GRB2: variants seen among roughly 807,000 people sequenced by gnomAD.
GRB2 encodes the protein growth factor receptor-bound protein 2.
In GRB2, 2 loss-of-function variants were observed where a neutral mutation model predicts 27.4. That is an observed-to-expected ratio of 0.07 (90% CI 0.03 to 0.23). The LOEUF (loss-of-function observed/expected upper bound fraction) is 0.23, where lower values mean the gene tolerates loss of function less well. Among genes scored for constraint, GRB2 ranks in the 10% least tolerant of loss-of-function variants. The pLI, the probability that GRB2 is intolerant of heterozygous loss-of-function variation, is 1.00. For missense variants in GRB2, 102 were observed against 282.4 expected (o/e 0.36, Z 4.58); for synonymous variants, 94 against 99.6 (o/e 0.94, Z 0.33).
At chr17:75,349,901 C>G (rs1211448533) in intron 2 of GRB2, among the ~76,000 whole-genome samples, 1 of 151,894 alleles carries the variant, frequency 6.6e-6, no homozygotes, top group Non-Finnish European at 1.5e-5. Flanking sequence ...TAAGTTAATA[C>G]TTAGTGATAG....
At chr17:75,343,604 A>C (rs1598227435) in intron 2 of GRB2, among the ~76,000 whole-genome samples, 2 of 152,316 alleles carry the variant, frequency 1.3e-5, no homozygotes, top group Non-Finnish European at 2.9e-5. Flanking sequence ...TATTTTTAAC[A>C]AAACAGGAAG....
At chr17:75,340,217 T>G (rs2078611652) in intron 2 of GRB2, among the ~76,000 whole-genome samples, 1 of 152,198 alleles carries the variant, frequency 6.6e-6, no homozygotes, top group South Asian at 2.1e-4. Context: ...TATCAATCTG[T>G]GAAGCAATTT....
intron 4 of GRB2, 146 bp downstream of exon 4, chr17:75,325,752 A>G: frequency 2.3e-6 from 2 of 859,428 alleles, no homozygotes; most frequent in Non-Finnish European, 1.9e-6. Flanking sequence ...GAGAGGAGCC[A>G]GAAATTAGGA....
intron 2 of GRB2, among the ~76,000 whole-genome samples, chr17:75,369,208 A>T (rs2078839882): frequency 6.6e-6 from 1 of 152,232 alleles, no homozygotes; most frequent in South Asian, 2.1e-4. Flanking sequence ...TAAAAAGAAC[A>T]TCTTAGAAAT....
intron 2 of GRB2, among the ~76,000 whole-genome samples, chr17:75,349,022 A>G (rs2078671853): frequency 6.6e-6 from 1 of 152,206 alleles, no homozygotes; most frequent in Non-Finnish European, 1.5e-5. Flanking sequence ...TGGAAAATTC[A>G]ACTCATGTGT....
At chr17:75,323,358 A>G in intron 4 of GRB2, among the ~76,000 whole-genome samples, 1 of 152,140 alleles carries the variant, frequency 6.6e-6, no homozygotes, top group East Asian at 1.9e-4. Flanking sequence ...TTCATTAGCA[A>G]GGGTATATTC....
At chr17:75,326,275 G>C (rs2078498133) in intron 3 of GRB2, 1 of 481,378 alleles carries the variant, frequency 2.1e-6, no homozygotes, top group South Asian at 2.3e-5. Flanking sequence ...TCTATAGAGG[G>C]AGACATTTGA....
At chr17:75,376,376 C>G (rs2145859241) in intron 2 of GRB2, among the ~76,000 whole-genome samples, 1 of 134,220 alleles carries the variant, frequency 7.5e-6, no homozygotes, top group East Asian at 2.3e-4. Context: ...AATTTTTTAA[C>G]CCGACCTGGT....
chr17:75,358,277 G>A (rs909453370), intron 2 of GRB2, among the ~76,000 whole-genome samples: 6 of 152,034 alleles, frequency 3.9e-5, no homozygotes, highest in Non-Finnish European at 5.9e-5. Context: ...ATTCCAAATT[G>A]CATTTTACCT....
At chr17:75,384,699 A>G (rs1374681209) in intron 2 of GRB2, among the ~76,000 whole-genome samples, 2 of 152,106 alleles carry the variant, frequency 1.3e-5, no homozygotes, top group African/African-American at 4.8e-5. Flanking sequence ...AATAAAATAA[A>G]TAATAAAACT....
chr17:75,399,367 CT>C (rs71161208), intron 1 of GRB2, among the ~76,000 whole-genome samples: 61,587 of 107,768 alleles, frequency 0.57, 19,493 homozygotes, highest in East Asian at 0.87. Flanking sequence ...ACAATCTTTT[CT>C]TTTTTTTTTT....
intron 2 of GRB2, among the ~76,000 whole-genome samples, chr17:75,351,689 A>G (rs974758898): frequency 2.0e-5 from 3 of 152,198 alleles, no homozygotes; most frequent in African/African-American, 4.8e-5. Context: ...CACCATAAAC[A>G]AAGACAAAGA....
chr17:75,363,365 T>C (rs9302990), intron 2 of GRB2, among the ~76,000 whole-genome samples: 98,715 of 152,114 alleles, frequency 0.65, 38,419 homozygotes, highest in East Asian at 0.91. Flanking sequence ...CATTTTCTGC[T>C]TCTAAACTTT....
chr17:75,370,241 G>T (rs1051693133), intron 2 of GRB2, among the ~76,000 whole-genome samples: 1 of 152,182 alleles, frequency 6.6e-6, no homozygotes, highest in African/African-American at 2.4e-5. Flanking sequence ...AATTTAAAAA[G>T]ATATTGGTGC....
At chr17:75,371,556 A>G (rs1352537257) in intron 2 of GRB2, 2 of 152,128 alleles carry the variant, frequency 1.3e-5, no homozygotes. Flanking sequence ...GAAATGGAGT[A>G]ACAAAAGCAC....
chr17:75,320,693 C>T lies in GRB2; in HGVS notation c.469-140G>A, dbSNP rs2078452800. 1.6e-6 allele frequency: 1 copy of T among 636,960 alleles called. No homozygotes were observed. The allele number at this position is 636,960 out of a possible 1,614,324, so 39.5% of individuals were successfully genotyped here. On this transcript the variant is annotated intron_variant, in intron 5 of 5. Transcript: ENST00000316804. The surrounding 1 kb of genome is among the most constrained non-coding windows in gnomAD (Gnocchi z 4.3). ...TTAAACTCACCTCCCATCTCCCAAC[C>T]CCCCGTTTATTCTTACCTATTCTAA...
At chr17:75,352,890 T>TAA (rs148470921) in intron 2 of GRB2, among the ~76,000 whole-genome samples, 145 of 149,646 alleles carry the variant, frequency 9.7e-4, no homozygotes, top group East Asian at 2.4e-3. Context: ...TTTTTTTTTT[T>TAA]AAAAGACATA....
At chr17:75,372,279 T>C (rs923639570) in intron 2 of GRB2, 11 of 152,352 alleles carry the variant, frequency 7.2e-5, no homozygotes, top group East Asian at 1.9e-4. Context: ...TATCTGCCTC[T>C]GCACAGGCTG....
At chr17:75,367,914 ACT>A (rs2078830357) in intron 2 of GRB2, among the ~76,000 whole-genome samples, 2 of 151,306 alleles carry the variant, frequency 1.3e-5, no homozygotes, top group Non-Finnish European at 2.9e-5. Context: ...ATGGAGTCTC[ACT>A]CTGTAACTGA....
Sources: allele counts gnomAD v4.1 joint callset (sites outside exome capture counted in the v4.1 genomes callset), GRCh38; gene constraint gnomAD v4.1.1; non-coding constraint Gnocchi (gnomAD v3.1); transcripts MANE v1.5; gene names NCBI Gene and HGNC (gene_info 2026-07-23, HGNC 2026-07-21).